Variants in GAS2L3 observed in about 807,000 individuals in gnomAD.
The protein encoded by GAS2L3 is GAS2-like protein 3.
GAS2L3 carries 28 observed loss-of-function variants against 37.0 expected under a neutral mutation model. The ratio of observed to expected loss-of-function variants is 0.76; its 90% CI spans 0.56 to 1.04. The LOEUF (loss-of-function observed/expected upper bound fraction) is 1.04, where lower values mean the gene tolerates loss of function less well. Ranked by LOEUF, GAS2L3 falls within the 50% of genes least tolerant of loss-of-function variation. The pLI is 0.00. For synonymous variants in GAS2L3, 290 were observed against 296.6 expected, an observed-to-expected ratio of 0.98 and a Z score of 0.23; for missense variants, 793 against 817.6, an observed-to-expected ratio of 0.97 and a Z score of 0.37.
At chr12:100,599,104 A>T (rs1034064502) in intron 3 of GAS2L3, among the ~76,000 whole-genome samples, 1 of 150,512 alleles carries the variant, frequency 6.6e-6, no homozygotes, top group Non-Finnish European at 1.5e-5. Flanking sequence ...TCATGCTCTG[A>T]CTCTCCATTC....
rs940978824 is a variant in GAS2L3, at chr12:100,624,377, C to A, written c.1572C>A (p.Thr524=). 6.2e-7 allele frequency: 1 copy of A among 1,613,826 alleles called. No individual in the cohort carries two copies. Among genetic ancestry groups the A allele is most frequent in the Non-Finnish European group, 8.5e-7 (1 of 1,180,022 alleles). Residue 524 remains threonine, a synonymous_variant, in exon 10 of 10, where the codon ACC becomes ACA. Coordinates refer to ENST00000547754, the MANE Select transcript of GAS2L3 (RefSeq NM_174942.3). ...AGTCCTCTGCAAAAATGACAAAAAC[C>A]AGTTCCAAAACCATAGCCACGGGTC... ...SFQSSAKMTK[T]SSKTIATGLG...
chr12:100,616,641 G>T (rs1490350398), intron 6 of GAS2L3, among the ~76,000 whole-genome samples: 1 of 151,896 alleles, frequency 6.6e-6, no homozygotes, highest in East Asian at 1.9e-4. Context: ...TAGAAACAGG[G>T]TCTCACTTTG....
intron 5 of GAS2L3, among the ~76,000 whole-genome samples, chr12:100,605,546 C>T (rs1956045825): frequency 6.6e-6 from 1 of 151,814 alleles, no homozygotes; most frequent in Non-Finnish European, 1.5e-5. Flanking sequence ...AGTTGATTTG[C>T]ACTTGCTTTT....
chr12:100,579,141 C>T, intron 1 of GAS2L3: 1 of 690,048 alleles, frequency 1.4e-6, no homozygotes, highest in South Asian at 1.5e-5. Context: ...TCATTTTCTG[C>T]CATGGCCCAT....
chr12:100,596,409 C>A (rs965998264), intron 3 of GAS2L3, among the ~76,000 whole-genome samples: 4 of 151,904 alleles, frequency 2.6e-5, no homozygotes, highest in African/African-American at 9.7e-5. Context: ...ATGGTAGATT[C>A]TTTCATAGTT....
At chr12:100,579,001 C>T in intron 1 of GAS2L3, 1 of 854,406 alleles carries the variant, frequency 1.2e-6, no homozygotes, top group South Asian at 1.3e-5. Flanking sequence ...TCACTAATGA[C>T]CTCAAAGTCT....
At position 100,624,614 on chromosome 12, in the gene GAS2L3, C is replaced by T. The variant is rs766051588; in HGVS notation, c.1809C>T (p.Ser603=). The part of the protein sequence containing the change: ...NKSAFQKTGP[S]SLKSPGRTPL... Reference sequence around the variant, plus strand: ...GTGCATTTCAGAAGACAGGACCCAGCTCCTTGAAGTCTCCTGGCCGTACCC... The same window carrying T: ...GTGCATTTCAGAAGACAGGACCCAGTTCCTTGAAGTCTCCTGGCCGTACCC... The change falls in exon 10 of 10, where the codon AGC becomes AGT. Residue 603 remains serine, a synonymous_variant. Transcript: ENST00000547754. The T allele has an allele frequency of 1.9e-6, 3 of 1,614,054 alleles. No homozygotes were observed. The highest frequency in any genetic ancestry group is 1.7e-5 in the Admixed American group (1 of 59,988).
chr12:100,611,975 G>C, intron 5 of GAS2L3, 25 bp from the exon 6 acceptor site: 1 of 1,512,044 alleles, frequency 6.6e-7, no homozygotes. Context: ...ATACATTTTT[G>C]AAATTATTCT....
In GAS2L3 at chr12:100,600,503, T is replaced by G. The variant is rs1414521961; in HGVS notation, c.140T>G (p.Leu47Trp). Reference sequence around the variant, plus strand: ...ATAGCTGTGAGGCATGAAGCCACTTTGTTGCCCATGCAAGAAGATCTGTCA... The same window carrying G: ...ATAGCTGTGAGGCATGAAGCCACTTGGTTGCCCATGCAAGAAGATCTGTCA... ...EWIAVRHEAT[L>W]LPMQEDLSIW... The change falls in exon 4 of 10, where the codon TTG (leucine) becomes TGG (tryptophan). Residue 47 changes from leucine to tryptophan, a missense_variant. Transcript: ENST00000547754. The G allele has an allele frequency of 1.9e-6, 3 of 1,613,808 alleles. No individual in the cohort carries two copies. In the Admixed American group the frequency reaches 5.0e-5, roughly 27 times the overall value.
chr12:100,613,397 TTATG>T, intron 6 of GAS2L3, among the ~76,000 whole-genome samples: 1 of 152,150 alleles, frequency 6.6e-6, no homozygotes, highest in Non-Finnish European at 1.5e-5. Context: ...CAAAGCTATT[TTATG>T]AAACAAATAT....
chr12:100,581,967 C>A (rs1421606186), intron 1 of GAS2L3, among the ~76,000 whole-genome samples: 1 of 151,964 alleles, frequency 6.6e-6, no homozygotes, highest in Non-Finnish European at 1.5e-5. Flanking sequence ...TTTTTTTGAA[C>A]AAGTGGAAGT....
At chr12:100,604,663 G>C (rs1312737952) in intron 5 of GAS2L3, among the ~76,000 whole-genome samples, 1 of 151,886 alleles carries the variant, frequency 6.6e-6, no homozygotes, top group Non-Finnish European at 1.5e-5. Context: ...GGGCATCCTT[G>C]TTGTGGTCCA....
At position 100,622,312 on chromosome 12, in the gene GAS2L3, C is replaced by T. The variant is rs749385102; in HGVS notation, c.686C>T (p.Ser229Phe). The T allele has an allele frequency of 1.2e-6, 2 of 1,605,660 alleles. No individual in the cohort carries two copies. The highest frequency in any genetic ancestry group is 1.7e-6 in the Non-Finnish European group (2 of 1,173,146). Residue 229 changes from serine to phenylalanine, a missense_variant, in exon 9 of 10, where the codon TCT becomes TTT. Physicochemically the swap from Ser to Phe is radical, Grantham distance 155 (BLOSUM62 -2). Coordinates refer to ENST00000547754, the MANE Select transcript of GAS2L3 (RefSeq NM_174942.3). The part of the protein sequence containing the change: ...HIAEDPPCSC[S>F]HRFSIEYLSE... ...GCTGAGGACCCTCCTTGTAGTTGTT[C>T]TCATCGATTTTCTATTGAGTATTTA...
intron 7 of GAS2L3, among the ~76,000 whole-genome samples, chr12:100,618,151 C>G (rs141027899): frequency 6.6e-6 from 1 of 152,060 alleles, no homozygotes; most frequent in Non-Finnish European, 1.5e-5. Context: ...GAGTGGTGTC[C>G]CCCATACCTA....
chr12:100,597,545 C>G (rs1258363309), intron 3 of GAS2L3, among the ~76,000 whole-genome samples: 1 of 152,030 alleles, frequency 6.6e-6, no homozygotes, highest in Non-Finnish European at 1.5e-5. Flanking sequence ...TGCCCAATCC[C>G]TACCTTAATT....
At position 100,601,725 on chromosome 12, in the gene GAS2L3, T is replaced by A; in HGVS notation, c.275T>A (p.Val92Glu). ...CQLIDVLQNMVKTCNSEESGN... is the reference protein window; with the variant it reads ...CQLIDVLQNMEKTCNSEESGN... ...CTGATTGATGTTCTTCAAAACATGG[T>A]GAAAACATGCAACTCTGAAGAATCA... Residue 92 changes from valine (V) to glutamate (E), a missense_variant, in exon 5 of 10, where the codon GTG (valine) becomes GAG (glutamate). By Grantham distance (121) the Val-to-Glu change is moderately radical. Coordinates refer to ENST00000547754, the MANE Select transcript of GAS2L3 (RefSeq NM_174942.3). The A allele has an allele frequency of 6.3e-7, 1 of 1,593,392 alleles. No individual in the cohort carries two copies. Among genetic ancestry groups the A allele is most frequent in the African/African-American group, 1.3e-5 (1 of 74,496 alleles).
At chr12:100,580,843 T>C (rs1337843802) in intron 1 of GAS2L3, among the ~76,000 whole-genome samples, 1 of 152,182 alleles carries the variant, frequency 6.6e-6, no homozygotes, top group Admixed American at 6.6e-5. Flanking sequence ...ATTAACTCTT[T>C]ATCATTCAAA....
Position 100,624,198 on chromosome 12 carries a change from T to C in GAS2L3, c.1393T>C (p.Cys465Arg). Residue 465 changes from cysteine (C) to arginine (R), a missense_variant, in exon 10 of 10, where the codon TGT (cysteine) becomes CGT (arginine). Cys to Arg is a radical substitution (Grantham distance 180). Transcript: ENST00000547754. ...LPESTLLPNK[C>R]SGKTQPKYLK... ...CGAGTCCACACTTTTGCCAAATAAG[T>C]GTTCAGGAAAAACTCAACCTAAGTA... 6.2e-7 allele frequency: 1 copy of C among 1,613,962 alleles called. No homozygotes were observed. Among genetic ancestry groups the C allele is most frequent in the Non-Finnish European group, 8.5e-7 (1 of 1,180,022 alleles).
At chr12:100,602,604 T>C (rs929443647) in intron 5 of GAS2L3, among the ~76,000 whole-genome samples, 1 of 152,036 alleles carries the variant, frequency 6.6e-6, no homozygotes, top group African/African-American at 2.4e-5. Flanking sequence ...GAAAATAGGA[T>C]ATCCATTCCC....
Sources: allele counts gnomAD v4.1 joint callset (sites outside exome capture counted in the v4.1 genomes callset), GRCh38; gene constraint gnomAD v4.1.1; transcripts MANE v1.5; gene names NCBI Gene and HGNC (gene_info 2026-07-23, HGNC 2026-07-21).